TRIM37: variants seen among roughly 807,000 people sequenced by gnomAD.
TRIM37 encodes E3 ubiquitin-protein ligase TRIM37.
A neutral mutation model predicts 129.8 loss-of-function variants in TRIM37; 80 were observed. The observed-to-expected ratio is 0.62, with a 90% confidence interval of 0.51 to 0.74. The LOEUF (loss-of-function observed/expected upper bound fraction) is 0.74. Among genes scored for constraint, TRIM37 ranks in the 30% least tolerant of loss-of-function variants. TRIM37 has a pLI of 0.00. For missense variants in TRIM37, 1,054 were observed against 1,176.5 expected, an observed-to-expected ratio of 0.90 and a Z score of 1.52; for synonymous variants, 389 against 387.1, an observed-to-expected ratio of 1.00 and a Z score of -0.06.
At chr17:59,049,416 A>G (rs769175642) in intron 14 of TRIM37, 23 bp from the exon 15 acceptor site, 2 of 1,598,836 alleles carry the variant, frequency 1.3e-6, no homozygotes, top group South Asian at 1.1e-5. Context: ...GAAAAGCACA[A>G]ATATTAGCCA....
intron 2 of TRIM37, among the ~76,000 whole-genome samples, chr17:59,102,053 T>G (rs971884822): frequency 4.0e-5 from 6 of 151,734 alleles, no homozygotes; most frequent in Admixed American, 3.9e-4. Context: ...GAAAATAATA[T>G]GAATAATCTG....
intron 10 of TRIM37, 51 bp from the exon 11 acceptor site, chr17:59,062,699 T>G (rs182024655): frequency 1.3e-6 from 2 of 1,494,320 alleles, no homozygotes; most frequent in African/African-American, 2.8e-5. Flanking sequence ...TGTTGTGAAA[T>G]GGCAACAGGC....
chr17:59,077,687 G>A (rs915855774), intron 7 of TRIM37, among the ~76,000 whole-genome samples: 7 of 151,534 alleles, frequency 4.6e-5, no homozygotes, highest in Admixed American at 4.6e-4. Context: ...GCACGTGCCT[G>A]TAGTCCCAGC....
rs139479596 is a variant in TRIM37, at chr17:59,003,454, T to C, written c.2696-1740A>G. On this transcript the variant is annotated intron_variant, in intron 22 of 23. Transcript: ENST00000262294. The stretch of plus-strand genomic sequence containing the variant: ...TCTGGAAGGAAGGTTCTAGGTACAA[T>C]GGAGCAAGCACATTCCACTCTATCT... 3.7e-4 allele frequency among the ~76,000 whole-genome samples: 57 copies of C among 152,168 alleles called. 2 individuals carry two copies. The Middle Eastern group carries it at 0.017, about 45-fold the overall frequency.
Position 59,081,118 on chromosome 17 carries a change from C to T in TRIM37, c.471G>A (p.Leu157=). ...VAKLRRRLME[L]ISLVQEVERN... ...TTACCACTTCTTGAACTAAGCTGAT[C>T]AGTTCCATGAGACGCCGACGAAGTT... The change falls in exon 6 of 24, where the codon CTG becomes CTA. Residue 157 remains leucine, a synonymous_variant. Transcript: ENST00000262294. 1 of 1,613,188 alleles carries T rather than the reference C, an allele frequency of 6.2e-7. No homozygotes were observed. The highest frequency in any genetic ancestry group is 8.5e-7 in the Non-Finnish European group (1 of 1,179,482).
Position 58,998,379 on chromosome 17 carries a change from G to C in TRIM37, c.*998C>G. On this transcript the variant is annotated 3_prime_UTR_variant, in exon 24 of 24. Coordinates refer to ENST00000262294, the MANE Select transcript of TRIM37 (RefSeq NM_015294.6). Reference sequence around the variant, plus strand: ...TTTAATTATTCATGCTTTTTCAATAGTCTCTTAGTCAACTTTCAGTGTAAT... The same window carrying C: ...TTTAATTATTCATGCTTTTTCAATACTCTCTTAGTCAACTTTCAGTGTAAT... The C allele has an allele frequency of 1.0e-6, 1 of 985,324 alleles. No homozygotes were observed. The highest frequency in any genetic ancestry group is 1.2e-6 in the Non-Finnish European group (1 of 829,884). The allele number at this position is 985,324 out of a possible 1,614,324, so 61.0% of individuals were successfully genotyped here.
intron 4 of TRIM37, chr17:59,088,058 G>A: frequency 3.4e-6 from 2 of 596,978 alleles, no homozygotes; most frequent in Non-Finnish European, 5.9e-6. Flanking sequence ...TCTGTGTGGG[G>A]GGAGGGGAGG....
chr17:59,066,558 G>C (rs2041934221), intron 9 of TRIM37, among the ~76,000 whole-genome samples: 1 of 152,154 alleles, frequency 6.6e-6, no homozygotes, highest in African/African-American at 2.4e-5. Context: ...AAAGCTTCCA[G>C]GCTAAAGAGC....
intron 17 of TRIM37, among the ~76,000 whole-genome samples, chr17:59,036,464 G>GTA (rs960367763): frequency 1.3e-5 from 2 of 151,216 alleles, no homozygotes; most frequent in African/African-American, 4.9e-5. Flanking sequence ...GTGTGTGTGT[G>GTA]TGTGTGTGTG....
intron 1 of TRIM37, 196 bp from the exon 2 acceptor site, chr17:59,104,590 C>A: frequency 1.4e-6 from 1 of 739,658 alleles, no homozygotes; most frequent in Non-Finnish European, 2.5e-6. Context: ...TTTGGTTTCA[C>A]GATGATTCTA....
chr17:59,010,735 C>T (rs1044570457), intron 22 of TRIM37, among the ~76,000 whole-genome samples: 1 of 151,996 alleles, frequency 6.6e-6, no homozygotes, highest in Non-Finnish European at 1.5e-5. Flanking sequence ...TCAAGTGATC[C>T]GCCTGCCTCA....
At chr17:59,030,590 C>T (rs2037741607) in intron 18 of TRIM37, among the ~76,000 whole-genome samples, 1 of 152,138 alleles carries the variant, frequency 6.6e-6, no homozygotes, top group Non-Finnish European at 1.5e-5. Context: ...ATTGTTTTTA[C>T]ACAGAAAACT....
In TRIM37 at chr17:59,056,898, T is replaced by C. The variant is rs142064043; in HGVS notation, c.1176A>G (p.Pro392=). ...ACCTTAAAATCACTGTATCATTTTG[T>C]GGATTCAAGTATCCTTCATTTGCGA... is the stretch of plus-strand genomic sequence containing the variant. ...DLLANEGYLN[P]QNDTVILRFQ... is the part of the protein sequence containing the mutation. Residue 392 remains proline, a synonymous_variant, in exon 13 of 24, where the codon CCA becomes CCG. Transcript: ENST00000262294. The C allele has an allele frequency of 7.4e-6, 12 of 1,613,730 alleles. No individual in the cohort carries two copies. The African/African-American group carries it at 1.1e-4, about 14-fold the overall frequency.
At chr17:58,996,171 A>G (rs971068495), downstream of TRIM37, among the ~76,000 whole-genome samples, 1 of 152,038 alleles carries the variant, frequency 6.6e-6, no homozygotes, top group African/African-American at 2.4e-5. Context: ...CACCAATAAA[A>G]AAGTATCAAC....
rs574465574 is a variant in TRIM37, at chr17:59,106,596, C to G, written c.-135G>C. ...CACGTCAGGGGGCTCTGACAACCGC[C>G]CCACCTGCGCGCCCCATCTCTTCAG... On this transcript the variant is annotated 5_prime_UTR_variant, in exon 1 of 24. Coordinates refer to ENST00000262294, the MANE Select transcript of TRIM37 (RefSeq NM_015294.6). 1 of 1,016,992 alleles carries G rather than the reference C, an allele frequency of 9.8e-7. No individual in the cohort carries two copies. Among genetic ancestry groups the G allele is most frequent in the Non-Finnish European group, 1.5e-6 (1 of 668,294 alleles). 63.0% of individuals were successfully genotyped at this position (1,016,992 alleles called of 1,614,324 possible).
At chr17:59,101,172 G>C (rs916402531) in intron 2 of TRIM37, among the ~76,000 whole-genome samples, 17 of 152,176 alleles carry the variant, frequency 1.1e-4, no homozygotes, top group Admixed American at 9.2e-4. Context: ...ATGAACAAAT[G>C]ATTAGTGCAT....
the TRIM37 span, chr17:58,972,118 TA>T: frequency 6.2e-7 from 1 of 1,605,976 alleles, no homozygotes; most frequent in Non-Finnish European, 8.5e-7. Flanking sequence ...TAGTTTTATT[TA>T]AACTGTTTTC....
At chr17:58,979,766 C>T (rs1457932486), downstream of TRIM37, among the ~76,000 whole-genome samples, 3 of 152,144 alleles carry the variant, frequency 2.0e-5, no homozygotes, top group African/African-American at 7.2e-5. Flanking sequence ...CAGTAACTAG[C>T]AATTATTTAA....
At chr17:59,000,599 TA>T (rs543212915) in intron 23 of TRIM37, among the ~76,000 whole-genome samples, 10 of 146,630 alleles carry the variant, frequency 6.8e-5, no homozygotes, top group Admixed American at 1.4e-4. Flanking sequence ...AGACTCTGTC[TA>T]AAAAAAAAAG....
Sources: gnomAD v4.1 joint callset for allele counts (sites outside exome capture counted in the v4.1 genomes callset) on GRCh38, gnomAD v4.1.1 for gene constraint, MANE v1.5 for transcripts, NCBI Gene and HGNC (gene_info 2026-07-23, HGNC 2026-07-21) for gene names.